The following LINGO2 variants were observed in gnomAD, a reference collection of about 807,000 sequenced individuals.
LINGO2 encodes leucine rich repeat and Ig domain containing 2.
A neutral mutation model predicts 30.6 loss-of-function variants in LINGO2; 14 were observed. That is an observed-to-expected ratio of 0.46 (90% CI 0.30 to 0.72). The LOEUF (loss-of-function observed/expected upper bound fraction) is 0.72. LINGO2 is among the 30% of genes least tolerant of loss of function. The pLI, the probability that LINGO2 is intolerant of heterozygous loss-of-function variation, is 0.07. For synonymous variants in LINGO2, 317 were observed against 288.5 expected, an observed-to-expected ratio of 1.10 and a Z score of -1.00; for missense variants, 729 against 751.7, an observed-to-expected ratio of 0.97 and a Z score of 0.35.
At chr9:28,964,808 A>G in the LINGO2 span, among the ~76,000 whole-genome samples, 5 of 151,896 alleles carry the variant, frequency 3.3e-5, no homozygotes, top group Admixed American at 6.6e-5. Context: ...AACAAGATAA[A>G]AAGTTTAGTT....
the LINGO2 span, among the ~76,000 whole-genome samples, chr9:28,910,192 C>T: frequency 3.3e-5 from 5 of 152,052 alleles, no homozygotes; most frequent in African/African-American, 7.2e-5. Flanking sequence ...TATATAGATA[C>T]ATTTATCTCT....
At chr9:28,413,278 A>C (rs1822841634) in intron 2 of LINGO2, among the ~76,000 whole-genome samples, 1 of 152,026 alleles carries the variant, frequency 6.6e-6, no homozygotes, top group East Asian at 1.9e-4. Context: ...AGAATAATTT[A>C]ATTTTGGATA....
intron 1 of LINGO2, among the ~76,000 whole-genome samples, chr9:28,577,816 T>C (rs1356199886): frequency 6.6e-6 from 1 of 152,162 alleles, no homozygotes; most frequent in Admixed American, 6.6e-5. Flanking sequence ...GAGCCAATGA[T>C]TATCAAGTTT....
the LINGO2 span, among the ~76,000 whole-genome samples, chr9:29,069,118 G>A: frequency 6.6e-6 from 1 of 151,894 alleles, no homozygotes; most frequent in African/African-American, 2.4e-5. Flanking sequence ...CCATTGTCAT[G>A]AGGAAGCTGT....
intron 5 of LINGO2, among the ~76,000 whole-genome samples, chr9:27,962,268 C>T (rs186386400): frequency 8.2e-4 from 125 of 151,584 alleles, no homozygotes; most frequent in Non-Finnish European, 1.5e-3. Flanking sequence ...CTGCCTATCA[C>T]CAATTAAATA....
At chr9:28,671,513 CAAAAAAAA>C (rs11286682), upstream of LINGO2, among the ~76,000 whole-genome samples, 1 of 105,666 alleles carries the variant, frequency 9.5e-6, no homozygotes, top group African/African-American at 3.8e-5. Flanking sequence ...TTATCTTAAG[CAAAAAAAA>C]AAAAAAAAAA....
At chr9:28,498,878 A>G (rs1819771693) in intron 1 of LINGO2, among the ~76,000 whole-genome samples, 1 of 152,118 alleles carries the variant, frequency 6.6e-6, no homozygotes, top group African/African-American at 2.4e-5. Context: ...ATATAAGACT[A>G]TATAATAAAA....
At chr9:28,413,720 A>G (rs1822861435) in intron 2 of LINGO2, among the ~76,000 whole-genome samples, 1 of 152,148 alleles carries the variant, frequency 6.6e-6, no homozygotes, top group East Asian at 1.9e-4. Flanking sequence ...TAGGGGTGGC[A>G]CCTGCTGTGC....
At chr9:28,426,151 A>G (rs537384934) in intron 2 of LINGO2, among the ~76,000 whole-genome samples, 1 of 152,224 alleles carries the variant, frequency 6.6e-6, no homozygotes, top group Non-Finnish European at 1.5e-5. Context: ...TGACACACAC[A>G]TGCACACACA....
intron 4 of LINGO2, among the ~76,000 whole-genome samples, chr9:28,218,586 C>T (rs1820850802): frequency 6.6e-6 from 1 of 152,106 alleles, no homozygotes; most frequent in Admixed American, 6.5e-5. Context: ...AACCTACCTT[C>T]TATAAATAGA....
chr9:29,162,133 T>G, the LINGO2 span, among the ~76,000 whole-genome samples: 3 of 152,152 alleles, frequency 2.0e-5, no homozygotes, highest in Admixed American at 2.0e-4. Flanking sequence ...TTGGTCAGGC[T>G]GGTCTTGAAC....
chr9:28,140,357 T>C (rs964109771), intron 4 of LINGO2, among the ~76,000 whole-genome samples: 3 of 152,240 alleles, frequency 2.0e-5, no homozygotes, highest in Non-Finnish European at 4.4e-5. Context: ...ATGTATATGA[T>C]TGACATTCAC....
intron 5 of LINGO2, among the ~76,000 whole-genome samples, chr9:28,006,472 A>G (rs951523817): frequency 6.6e-6 from 1 of 152,196 alleles, no homozygotes; most frequent in South Asian, 2.1e-4. Context: ...GAAAATTTAT[A>G]TAACTGTATA....
chr9:28,320,055 A>C (rs1824984207), intron 3 of LINGO2, among the ~76,000 whole-genome samples: 3 of 152,080 alleles, frequency 2.0e-5, no homozygotes, highest in Non-Finnish European at 2.9e-5. Context: ...ATGGAATTCC[A>C]GCTATACGAA....
the LINGO2 span, among the ~76,000 whole-genome samples, chr9:29,207,484 G>T: frequency 6.6e-6 from 1 of 151,992 alleles, no homozygotes; most frequent in Admixed American, 6.6e-5. Flanking sequence ...AAACTCTATG[G>T]TGCTACCTAG....
chr9:28,678,856 T>C, the LINGO2 span, among the ~76,000 whole-genome samples: 1 of 152,138 alleles, frequency 6.6e-6, no homozygotes, highest in Non-Finnish European at 1.5e-5. Context: ...CAACAGTACT[T>C]TACTTAGAAA....
intron 3 of LINGO2, among the ~76,000 whole-genome samples, chr9:28,302,101 C>T (rs1282669769): frequency 1.3e-5 from 2 of 152,116 alleles, no homozygotes; most frequent in Non-Finnish European, 2.9e-5. Flanking sequence ...AAGGAAAGAC[C>T]TCTAGCAGCT....
chr9:28,268,554 A>G (rs1246750402), intron 4 of LINGO2, among the ~76,000 whole-genome samples: 1 of 152,126 alleles, frequency 6.6e-6, no homozygotes, highest in Non-Finnish European at 1.5e-5. Flanking sequence ...CAATGAGTCC[A>G]TTTGAGTATA....
the LINGO2 span, among the ~76,000 whole-genome samples, chr9:29,041,980 G>A: frequency 1.3e-5 from 2 of 151,804 alleles, no homozygotes; most frequent in Non-Finnish European, 2.9e-5. Flanking sequence ...GAAAATGAGG[G>A]AAAGACATGA....
Sources: allele counts gnomAD v4.1 joint callset (sites outside exome capture counted in the v4.1 genomes callset), GRCh38; gene constraint gnomAD v4.1.1; transcripts MANE v1.5; gene names NCBI Gene and HGNC (gene_info 2026-07-23, HGNC 2026-07-21).